TXNDC15: variants seen among roughly 807,000 people sequenced by gnomAD.
TXNDC15 encodes the protein thioredoxin domain-containing protein 15.
A neutral mutation model predicts 35.0 loss-of-function variants in TXNDC15; 24 were observed. That is an observed-to-expected ratio of 0.68 (90% CI 0.50 to 0.96). The LOEUF (loss-of-function observed/expected upper bound fraction) is 0.96. Among genes scored for constraint, TXNDC15 ranks in the 40% least tolerant of loss-of-function variants. TXNDC15 has a pLI of 0.00. For missense variants in TXNDC15, 385 were observed against 453.3 expected (o/e 0.85, Z 1.37); for synonymous variants, 169 against 174.0 (o/e 0.97, Z 0.23).
rs79262456 is a variant in TXNDC15 at position 134,888,114 on chromosome 5, G to C, written c.523G>C (p.Val175Leu). The stretch of plus-strand genomic sequence containing the variant: ...CACTGAAAGTCTGAAATCCCCAAAG[G>C]TGAACTGTGAGGAGAGAAACATTAC... Reference protein sequence around the residue: ...NNTESLKSPKVNCEERNITGL... With the variant: ...NNTESLKSPKLNCEERNITGL... Residue 175 changes from valine to leucine, a missense_variant, in exon 2 of 5, where the codon GTG becomes CTG. By Grantham distance (32) the Val-to-Leu change is conservative. Transcript: ENST00000358387. 1.4e-3 allele frequency: 2,317 copies of C among 1,614,150 alleles called. 49 individuals carry two copies. In the East Asian group the frequency reaches 0.043, roughly 30 times the overall value.
At position 134,897,422 on chromosome 5, in the gene TXNDC15, A is replaced by G. The variant is rs571914684; in HGVS notation, c.886+998A>G. Among the ~76,000 whole-genome samples, 77 of 132,846 alleles carry G rather than the reference A, an allele frequency of 5.8e-4. No individual in the cohort carries two copies. In the South Asian group the frequency reaches 0.015, roughly 26 times the overall value. The allele number at this position is 132,846 out of a possible 152,430, so 87.2% of individuals were successfully genotyped here. On this transcript the variant is annotated intron_variant, in intron 4 of 4. Transcript: ENST00000358387. Reference sequence around the variant, plus strand: ...ACCACCACACCTGGCTAATTTTTGTATTTTTTAGTAGAGACAGGGTTTCGC... The same window carrying G: ...ACCACCACACCTGGCTAATTTTTGTGTTTTTTAGTAGAGACAGGGTTTCGC...
rs970656144 is a variant in TXNDC15, at chr5:134,898,142, G to A, written c.887-1347G>A. On this transcript the variant is annotated intron_variant, in intron 4 of 4. Transcript: ENST00000358387. ...TATCATAGACTGTGTTACTTGTTTTGGACTTCATATTAATGGAGACATGCA... is the reference window on the plus strand; with the variant it reads ...TATCATAGACTGTGTTACTTGTTTTAGACTTCATATTAATGGAGACATGCA... Among the ~76,000 whole-genome samples, 7 of 152,094 alleles carry A rather than the reference G, an allele frequency of 4.6e-5. 1 individual carries two copies. In the East Asian group the frequency reaches 1.3e-3, roughly 29 times the overall value.
At chr5:134,894,364 T>C (rs1344997247) in intron 3 of TXNDC15, among the ~76,000 whole-genome samples, 11 of 151,502 alleles carry the variant, frequency 7.3e-5, no homozygotes, top group Non-Finnish European at 1.2e-4. Flanking sequence ...GGTCATTTTT[T>C]TTTTCTTTTT....
chr5:134,894,031 C>A (rs1485397084), intron 3 of TXNDC15, among the ~76,000 whole-genome samples: 2 of 152,156 alleles, frequency 1.3e-5, no homozygotes, highest in African/African-American at 4.8e-5. Context: ...CCATCCCAGG[C>A]AGCCCAATTC....
At chr5:134,894,511 G>A (rs1244326459) in intron 3 of TXNDC15, among the ~76,000 whole-genome samples, 3 of 151,818 alleles carry the variant, frequency 2.0e-5, no homozygotes, top group Non-Finnish European at 4.4e-5. Flanking sequence ...GGGATTACAA[G>A]CACCTGCCAC....
In TXNDC15 at chr5:134,893,554, G is replaced by A. The variant is rs144155205; in HGVS notation, c.654G>A (p.Pro218=). ...GTACTCTAGTCCTGTTTTACACCCC[G>A]TGGTGCCGCTTTTCTGCCAGTTTGG... ...SDCTLVLFYT[P]WCRFSASLAP... Residue 218 remains proline (P), a synonymous_variant, in exon 3 of 5, where the codon CCG becomes CCA. Transcript: ENST00000358387. 7 of 1,614,012 alleles carry A rather than the reference G, an allele frequency of 4.3e-6. No homozygotes were observed. In the African/African-American group the frequency reaches 5.3e-5, roughly 12 times the overall value.
At chr5:134,877,745 T>C in intron 1 of TXNDC15, among the ~76,000 whole-genome samples, 1 of 151,886 alleles carries the variant, frequency 6.6e-6, no homozygotes, top group South Asian at 2.1e-4. Context: ...GTAGCTGGGA[T>C]TACAGGCATG....
chr5:134,889,948 G>T (rs1750355772), intron 2 of TXNDC15, among the ~76,000 whole-genome samples: 1 of 152,224 alleles, frequency 6.6e-6, no homozygotes. Context: ...TCAGTGAGTT[G>T]TAATCTTTTT....
intron 1 of TXNDC15, among the ~76,000 whole-genome samples, chr5:134,883,018 G>A (rs1395881051): frequency 6.6e-6 from 1 of 152,210 alleles, no homozygotes; most frequent in Non-Finnish European, 1.5e-5. Flanking sequence ...GGCTGGGCAC[G>A]GTGGCTCATG....
chr5:134,882,280 G>A (rs528357551), intron 1 of TXNDC15, among the ~76,000 whole-genome samples: 132 of 151,614 alleles, frequency 8.7e-4, no homozygotes, highest in Middle Eastern at 3.5e-3. Flanking sequence ...CTTCCTAGAT[G>A]GGATGGCGGC....
chr5:134,894,508 C>A (rs144170938), intron 3 of TXNDC15, among the ~76,000 whole-genome samples: 1 of 151,968 alleles, frequency 6.6e-6, no homozygotes, highest in African/African-American at 2.4e-5. Context: ...GCTGGGATTA[C>A]AAGCACCTGC....
chr5:134,878,918 G>T (rs1331041595), intron 1 of TXNDC15, among the ~76,000 whole-genome samples: 1 of 152,218 alleles, frequency 6.6e-6, no homozygotes, highest in Non-Finnish European at 1.5e-5. Context: ...AGAATTGCTT[G>T]AACCCAGGAG....
Position 134,899,626 on chromosome 5 carries a change from A to T in TXNDC15, c.1024A>T (p.Ile342Phe). 6.2e-7 allele frequency: 1 copy of T among 1,613,796 alleles called. No homozygotes were observed. The highest frequency in any genetic ancestry group is 1.1e-5 in the South Asian group (1 of 90,920). Residue 342 changes from isoleucine to phenylalanine, a missense_variant, in exon 5 of 5, where the codon ATT becomes TTT. Coordinates refer to ENST00000358387, the MANE Select transcript of TXNDC15 (RefSeq NM_024715.4). Reference protein sequence around the residue: ...FLISFIMYATIRTESIRWLIP... With the variant: ...FLISFIMYATFRTESIRWLIP... The stretch of plus-strand genomic sequence containing the variant: ...AATTAGTTTTATTATGTATGCTACC[A>T]TTCGAACTGAGAGTATTCGGTGGCT...
intron 1 of TXNDC15, among the ~76,000 whole-genome samples, chr5:134,878,650 G>T (rs1750085401): frequency 6.6e-6 from 1 of 152,214 alleles, no homozygotes; most frequent in South Asian, 2.1e-4. Flanking sequence ...CTTCTTTGCT[G>T]CCAGTGATGC....
chr5:134,875,001 G>A, intron 1 of TXNDC15: 1 of 388,208 alleles, frequency 2.6e-6, no homozygotes, highest in South Asian at 1.9e-5. Flanking sequence ...TTTCACAGAT[G>A]AAGATGCTCA....
At position 134,899,662 on chromosome 5, in the gene TXNDC15, CAA is replaced by C. The variant is rs1332512915; in HGVS notation, c.1061_1062del (p.Gln354ArgfsTer11). The part of the protein sequence containing the change: ...TESIRWLIPG[Q>X]EQEHVE ...GAGTATTCGGTGGCTAATTCCAGGA[CAA>C]GAGCAGGAACATGTGGAGTAGTGAT... On this transcript the variant is annotated frameshift_variant, in exon 5 of 5. Coordinates refer to ENST00000358387, the MANE Select transcript of TXNDC15 (RefSeq NM_024715.4). LOFTEE classifies it high-confidence loss of function. 1 of 1,610,772 alleles carries C rather than the reference CAA, an allele frequency of 6.2e-7. No homozygotes were observed. The highest frequency in any genetic ancestry group is 2.2e-5 in the East Asian group (1 of 44,814).
intron 1 of TXNDC15, among the ~76,000 whole-genome samples, chr5:134,878,294 C>T (rs1182061655): frequency 1.3e-5 from 2 of 152,230 alleles, no homozygotes; most frequent in Non-Finnish European, 2.9e-5. Context: ...TCATCATCAT[C>T]ACCACAGCCA....
At chr5:134,874,036 A>C, upstream of TXNDC15, 1 of 167,724 alleles carries the variant, frequency 6.0e-6, no homozygotes, top group Non-Finnish European at 1.3e-5. Flanking sequence ...TAGAACAGGA[A>C]GGCTCCTGGG....
intron 4 of TXNDC15, among the ~76,000 whole-genome samples, chr5:134,897,915 A>G (rs1015980032): frequency 2.0e-5 from 3 of 152,138 alleles, no homozygotes; most frequent in Non-Finnish European, 2.9e-5. Flanking sequence ...AGGCTGAGGC[A>G]TGAAAATTGC....
Sources: allele counts gnomAD v4.1 joint callset (sites outside exome capture counted in the v4.1 genomes callset), GRCh38; gene constraint gnomAD v4.1.1; transcripts MANE v1.5; gene names NCBI Gene and HGNC (gene_info 2026-07-23, HGNC 2026-07-21).